PLPP1: variants seen among roughly 807,000 people sequenced by gnomAD.
PLPP1 encodes lipid phosphate phosphohydrolase 1a.
Under a neutral mutation model 31.2 loss-of-function variants are expected in PLPP1, and 24 were observed. The observed-to-expected ratio is 0.77, with a 90% CI of 0.56 to 1.08. The LOEUF (loss-of-function observed/expected upper bound fraction) is 1.08, where lower values mean the gene tolerates loss of function less well. Among genes scored for constraint, PLPP1 ranks in the 50% least tolerant of loss-of-function variants. PLPP1 has a pLI of 0.00. For missense variants in PLPP1, 319 were observed against 342.7 expected, an observed-to-expected ratio of 0.93 and a Z score of 0.55; for synonymous variants, 146 against 126.3, an observed-to-expected ratio of 1.16 and a Z score of -1.05.
chr5:55,495,664 T>A (rs1411073269), intron 1 of PLPP1, among the ~76,000 whole-genome samples: 1 of 152,118 alleles, frequency 6.6e-6, no homozygotes. Flanking sequence ...CAATATCGGG[T>A]TGTCATTGTC....
chr5:55,533,290 G>A (rs1014110962), intron 1 of PLPP1, among the ~76,000 whole-genome samples: 2 of 150,610 alleles, frequency 1.3e-5, no homozygotes, highest in Admixed American at 1.3e-4. Flanking sequence ...GGCCAAGACA[G>A]GATAATCACT....
chr5:55,465,070 G>GTC, intron 3 of PLPP1, among the ~76,000 whole-genome samples: 1 of 146,798 alleles, frequency 6.8e-6, no homozygotes, highest in East Asian at 2.0e-4. Flanking sequence ...TTGAGACAGA[G>GTC]TCTCATCCTG....
intron 4 of PLPP1, among the ~76,000 whole-genome samples, chr5:55,434,862 C>G (rs998454010): frequency 3.9e-5 from 6 of 152,098 alleles, no homozygotes; most frequent in African/African-American, 1.2e-4. Context: ...GATTTTATGG[C>G]TAAGACCTTG....
intron 1 of PLPP1, among the ~76,000 whole-genome samples, chr5:55,478,772 C>G (rs1020931578): frequency 6.6e-6 from 1 of 151,952 alleles, no homozygotes; most frequent in Non-Finnish European, 1.5e-5. Flanking sequence ...GTCCACAGTG[C>G]CCAATATGGC....
At chr5:55,454,205 A>G (rs779456817) in intron 3 of PLPP1, among the ~76,000 whole-genome samples, 1 of 152,172 alleles carries the variant, frequency 6.6e-6, no homozygotes, top group African/African-American at 2.4e-5. Context: ...GCAATATATT[A>G]TGTAAGAAAA....
intron 4 of PLPP1, among the ~76,000 whole-genome samples, chr5:55,436,083 T>C (rs960348174): frequency 2.0e-5 from 3 of 152,004 alleles, no homozygotes; most frequent in African/African-American, 7.3e-5. Flanking sequence ...CAATTTCCTA[T>C]TTCTTAGAGC....
chr5:55,449,315 T>G (rs1751842617), intron 3 of PLPP1, among the ~76,000 whole-genome samples: 3 of 152,108 alleles, frequency 2.0e-5, no homozygotes, highest in African/African-American at 7.2e-5. Flanking sequence ...CATAACACGG[T>G]GATAATACTG....
chr5:55,529,258 T>C (rs1740574360), intron 1 of PLPP1, among the ~76,000 whole-genome samples: 1 of 82,686 alleles, frequency 1.2e-5, no homozygotes, highest in Non-Finnish European at 2.5e-5. Flanking sequence ...CGTGTATATA[T>C]ACACACAAAA....
In PLPP1 at chr5:55,467,735, T is replaced by C. The variant is rs114063279; in HGVS notation, c.491+134A>G. ...AGGCATGATGAGAGAGAACAATTCA[T>C]ACAAGATCAAAATTCACCTCCCAGT... On this transcript the variant is annotated intron_variant, in intron 3 of 5. Transcript: ENST00000307259. 8.1e-3 allele frequency: 7,978 copies of C among 985,382 alleles called. 60 individuals carry two copies. The highest frequency in any genetic ancestry group is 0.013 in the South Asian group (742 of 58,082). 61.0% of individuals were successfully genotyped at this position (985,382 alleles called of 1,614,324 possible).
intron 1 of PLPP1, among the ~76,000 whole-genome samples, chr5:55,512,638 T>TA (rs1301500528): frequency 1.3e-5 from 2 of 152,050 alleles, no homozygotes; most frequent in Admixed American, 1.3e-4. Context: ...GTCTAAAAAT[T>TA]AGAGTTAAAA....
intron 2 of PLPP1, among the ~76,000 whole-genome samples, chr5:55,472,722 G>A: frequency 1.3e-5 from 2 of 148,822 alleles, no homozygotes; most frequent in Admixed American, 6.8e-5. Context: ...AAGAGAGAGA[G>A]AAGAGGAAGA....
chr5:55,532,789 T>C (rs1226179064), intron 1 of PLPP1, among the ~76,000 whole-genome samples: 1 of 151,948 alleles, frequency 6.6e-6, no homozygotes, highest in Non-Finnish European at 1.5e-5. Flanking sequence ...AAACCCCGTC[T>C]CTACTAAAAA....
At chr5:55,491,059 G>A in intron 1 of PLPP1, 1 of 1,613,786 alleles carries the variant, frequency 6.2e-7, no homozygotes, top group Non-Finnish European at 8.5e-7. Flanking sequence ...TACAGAAAAA[G>A]CCTCTCTGAA....
chr5:55,511,657 T>G (rs988873384), intron 1 of PLPP1, among the ~76,000 whole-genome samples: 13 of 93,140 alleles, frequency 1.4e-4, no homozygotes, highest in African/African-American at 2.6e-4. Context: ...TGAGTTTTTT[T>G]TTTTTTTTTT....
chr5:55,521,133 A>C (rs541705254), intron 1 of PLPP1, among the ~76,000 whole-genome samples: 107 of 152,226 alleles, frequency 7.0e-4, no homozygotes, highest in African/African-American at 2.5e-3. Context: ...TGGGCAAATC[A>C]CTTGAGGTCA....
intron 1 of PLPP1, among the ~76,000 whole-genome samples, chr5:55,519,097 C>T (rs1753610992): frequency 6.6e-6 from 1 of 152,114 alleles, no homozygotes; most frequent in African/African-American, 2.4e-5. Flanking sequence ...TACTGGTTTT[C>T]AGATTTGGTT....
chr5:55,452,499 CAG>C (rs1751914325), intron 3 of PLPP1, among the ~76,000 whole-genome samples: 1 of 152,174 alleles, frequency 6.6e-6, no homozygotes, highest in Non-Finnish European at 1.5e-5. Flanking sequence ...ATTAATTACC[CAG>C]TCTCAGATAT....
At chr5:55,436,997 T>G (rs1455529755) in intron 4 of PLPP1, among the ~76,000 whole-genome samples, 1 of 152,182 alleles carries the variant, frequency 6.6e-6, no homozygotes, top group African/African-American at 2.4e-5. Flanking sequence ...CCTTGCCCCT[T>G]CCACTGTGTG....
intron 4 of PLPP1, among the ~76,000 whole-genome samples, chr5:55,430,622 G>T (rs144242778): frequency 0.011 from 1,636 of 152,236 alleles, 17 homozygotes; most frequent in South Asian, 0.023. Context: ...CAAAAAATTG[G>T]AAGAAGTGAC....
Sources: allele counts gnomAD v4.1 joint callset (sites outside exome capture counted in the v4.1 genomes callset), GRCh38; gene constraint gnomAD v4.1.1; transcripts MANE v1.5; gene names NCBI Gene and HGNC (gene_info 2026-07-23, HGNC 2026-07-21).